The following RNASET2 variants were observed in gnomAD, a reference collection of about 807,000 sequenced individuals.
The protein encoded by RNASET2 is ribonuclease T2, also known as ribonuclease 6.
RNASET2 carries 28 observed loss-of-function variants against 33.9 expected under a neutral mutation model. The ratio of observed to expected loss-of-function variants is 0.83; its 90% CI spans 0.61 to 1.13. The LOEUF is 1.13. Among genes scored for constraint, RNASET2 ranks in the 50% most tolerant of loss-of-function variants. The pLI is 0.00. For synonymous variants in RNASET2, 123 were observed against 121.0 expected (o/e 1.02, Z -0.11); for missense variants, 330 against 319.9 (o/e 1.03, Z -0.24).
In RNASET2 at chr6:166,931,192, C is replaced by T. The variant is rs543499488; in HGVS notation, c.493-74G>A. On this transcript the variant is annotated intron_variant, in intron 7 of 8. Coordinates refer to ENST00000508775, the MANE Select transcript of RNASET2 (RefSeq NM_003730.6). ...TCTGACAGTTCTGGACTATCCTGAG[C>T]GCAACAGTGGCAGGGTCCTGGTCTC... 8.3e-5 allele frequency: 90 copies of T among 1,081,136 alleles called. No homozygotes were observed. The Admixed American group carries it at 1.2e-3, about 14-fold the overall frequency. The allele number at this position is 1,081,136 out of a possible 1,614,324, so 67.0% of individuals were successfully genotyped here.
At chr6:166,955,859 TTC>T in intron 1 of RNASET2, 2 of 780,960 alleles carry the variant, frequency 2.6e-6, no homozygotes, top group Non-Finnish European at 1.5e-6. Context: ...CAGAGGTCAC[TTC>T]TGAGTGTGCT....
chr6:166,942,260 C>T (rs1458418708), intron 5 of RNASET2, among the ~76,000 whole-genome samples: 1 of 152,044 alleles, frequency 6.6e-6, no homozygotes, highest in Admixed American at 6.6e-5. Context: ...GCCATGTTGG[C>T]CAGGCTGGTC....
chr6:166,938,777 T>A (rs748996475), intron 6 of RNASET2, 118 bp downstream of exon 6: 1 of 785,396 alleles, frequency 1.3e-6, no homozygotes, highest in East Asian at 2.4e-5. Flanking sequence ...ATAGTGCACA[T>A]GCAGAAGCTG....
intron 1 of RNASET2, chr6:166,955,497 C>G: frequency 1.0e-6 from 1 of 986,828 alleles, no homozygotes; most frequent in East Asian, 1.1e-4. Context: ...CGTTTCACCA[C>G]CCGCCGCAGT....
Position 166,928,970 on chromosome 6 carries a change from C to T in RNASET2, c.*618G>A, listed in dbSNP as rs187040418. Among the ~76,000 whole-genome samples, 4 of 152,330 alleles carry T rather than the reference C, an allele frequency of 2.6e-5. No individual in the cohort carries two copies. The highest frequency in any genetic ancestry group is 1.3e-4 in the Admixed American group (2 of 15,310). ...AGTAACCTGGAAGAGACTGCTCTGA[C>T]GGAGACAGGAGATGGCTGCTCTGTG... On this transcript the variant is annotated 3_prime_UTR_variant, in exon 9 of 9. Coordinates refer to ENST00000508775, the MANE Select transcript of RNASET2 (RefSeq NM_003730.6).
chr6:166,931,277 A>C, intron 7 of RNASET2, 159 bp from the exon 8 acceptor site: 1 of 662,900 alleles, frequency 1.5e-6, no homozygotes, highest in Non-Finnish European at 2.7e-6. Flanking sequence ...CACCTCCACC[A>C]GCGAAGCAGA....
At chr6:166,936,875 G>T (rs1199020608) in intron 6 of RNASET2, among the ~76,000 whole-genome samples, 1 of 152,158 alleles carries the variant, frequency 6.6e-6, no homozygotes, top group African/African-American at 2.4e-5. Flanking sequence ...TTAGATGATT[G>T]ATTTTAAAAT....
At chr6:166,945,911 T>C (rs1216205382) in intron 4 of RNASET2, among the ~76,000 whole-genome samples, 1 of 151,334 alleles carries the variant, frequency 6.6e-6, no homozygotes, top group Non-Finnish European at 1.5e-5. Flanking sequence ...GAATGTACCA[T>C]TCCTAGGAAA....
intron 7 of RNASET2, 43 bp downstream of exon 7, chr6:166,934,048 C>A: frequency 6.6e-7 from 1 of 1,520,290 alleles, no homozygotes; most frequent in African/African-American, 1.4e-5. Flanking sequence ...ACTGGAGGTC[C>A]CCGGGAGAGA....
At position 166,926,995 on chromosome 6, in the gene RNASET2, G is replaced by A. The variant is rs945619061; in HGVS notation, c.*2593C>T. 1.1e-4 allele frequency among the ~76,000 whole-genome samples: 16 copies of A among 152,166 alleles called. No individual in the cohort carries two copies. Among genetic ancestry groups the A allele is most frequent in the African/African-American group, 2.9e-4 (12 of 41,438 alleles). On this transcript the variant is annotated 3_prime_UTR_variant, in exon 9 of 9. Coordinates refer to ENST00000508775, the MANE Select transcript of RNASET2 (RefSeq NM_003730.6). Reference sequence around the variant, plus strand: ...TTGTACCCCCAGCTCTGATCCCAGAGCCTGGCCTGCTCCTCCTTCCACACA... The same window carrying A: ...TTGTACCCCCAGCTCTGATCCCAGAACCTGGCCTGCTCCTCCTTCCACACA...
At chr6:166,954,966 G>C (rs556383108) in intron 1 of RNASET2, among the ~76,000 whole-genome samples, 1 of 152,142 alleles carries the variant, frequency 6.6e-6, no homozygotes, top group Non-Finnish European at 1.5e-5. Flanking sequence ...ACTCCAGCCT[G>C]AGTGACAGAG....
At chr6:166,946,778 A>G in intron 3 of RNASET2, 39 bp from the exon 4 acceptor site, 1 of 1,321,902 alleles carries the variant, frequency 7.6e-7, no homozygotes, top group Non-Finnish European at 1.1e-6. Context: ...AAGAAATATT[A>G]GGCTTGGTTG....
chr6:166,925,152 T>TCCAGCCCTCACTCCTGCCGC lies in RNASET2; in HGVS notation c.*4416_*4435dup, dbSNP rs200070457. 0.094 allele frequency among the ~76,000 whole-genome samples: 13,374 copies of TCCAGCCCTCACTCCTGCCGC among 142,620 alleles called. 764 individuals are homozygous for TCCAGCCCTCACTCCTGCCGC. Among genetic ancestry groups the TCCAGCCCTCACTCCTGCCGC allele is most frequent in the Admixed American group, 0.14 (2,026 of 14,252 alleles). 93.6% of individuals were successfully genotyped at this position (142,620 alleles called of 152,430 possible). ...TGCTGCCCAGGCCTCATCTACGCCA[T>TCCAGCCCTCACTCCTGCCGC]CCAGCCCTCACTCCTGCCGCCCAGC... On this transcript the variant is annotated 3_prime_UTR_variant, in exon 9 of 9. Transcript: ENST00000508775.
intron 1 of RNASET2, among the ~76,000 whole-genome samples, chr6:166,955,054 C>T (rs557926640): frequency 1.3e-5 from 2 of 150,138 alleles, no homozygotes; most frequent in South Asian, 2.1e-4. Flanking sequence ...ATCCTATTAA[C>T]CCGATCATTA....
At chr6:166,949,533 A>ATGAT (rs1736501180) in intron 2 of RNASET2, among the ~76,000 whole-genome samples, 1 of 151,528 alleles carries the variant, frequency 6.6e-6, no homozygotes, top group Non-Finnish European at 1.5e-5. Context: ...AAAGAAAGAA[A>ATGAT]TGATCAAGGG....
intron 1 of RNASET2, chr6:166,953,561 A>G (rs1452092142): frequency 1.3e-5 from 2 of 152,236 alleles, no homozygotes; most frequent in Non-Finnish European, 2.9e-5. Flanking sequence ...TTAGTTGTAC[A>G]TTGGAACTAA....
chr6:166,923,878 C>G lies in RNASET2; in HGVS notation c.*5710G>C, dbSNP rs539981419. ...TAGTATTTTAACTTCTGAGTCTTTT[C>G]CAGCCTTCTGCAGTGATAGATCTAG... On this transcript the variant is annotated 3_prime_UTR_variant, in exon 9 of 9. Transcript: ENST00000508775. 6.6e-6 allele frequency among the ~76,000 whole-genome samples: 1 copy of G among 152,324 alleles called. No individual in the cohort carries two copies. Among genetic ancestry groups the G allele is most frequent in the Non-Finnish European group, 1.5e-5 (1 of 68,018 alleles).
At chr6:166,937,337 A>G (rs1778593280) in intron 6 of RNASET2, among the ~76,000 whole-genome samples, 1 of 152,168 alleles carries the variant, frequency 6.6e-6, no homozygotes, top group African/African-American at 2.4e-5. Context: ...GGATTTCACC[A>G]TGTTGGCCAA....
rs189587957 is a variant in RNASET2 at position 166,943,525 on chromosome 6, G to A, written c.262-436C>T. 239 of 329,412 alleles carry A rather than the reference G, an allele frequency of 7.3e-4. 3 individuals carry two copies. Among genetic ancestry groups the A allele is most frequent in the Non-Finnish European group, 1.1e-3 (180 of 170,202 alleles). 20.4% of individuals were successfully genotyped at this position (329,412 alleles called of 1,614,324 possible). A position where few individuals can be genotyped will look rare whatever the true frequency, so the allele number is the denominator to read the frequency against. On this transcript the variant is annotated intron_variant, in intron 4 of 8. Transcript: ENST00000508775. The stretch of plus-strand genomic sequence containing the variant: ...CTTAAGAGACAGGAATGAGATTCGC[G>A]GTTGCTTGGGGGTTCAAGGGGAGGA...
Sources: gnomAD v4.1 joint callset for allele counts (sites outside exome capture counted in the v4.1 genomes callset) on GRCh38, gnomAD v4.1.1 for gene constraint, MANE v1.5 for transcripts, NCBI Gene and HGNC (gene_info 2026-07-23, HGNC 2026-07-21) for gene names.